SLC49A4: variants seen among roughly 807,000 people sequenced by gnomAD.
SLC49A4 encodes disrupted in renal cancer protein 2.
Under a neutral mutation model 50.6 loss-of-function variants are expected in SLC49A4, and 36 were observed. That is an observed-to-expected ratio of 0.71 (90% CI 0.55 to 0.94). SLC49A4 has a LOEUF of 0.94. Among genes scored for constraint, SLC49A4 ranks in the 40% least tolerant of loss-of-function variants. The pLI, the probability that SLC49A4 is intolerant of heterozygous loss-of-function variation, is 0.00. For missense variants in SLC49A4, 503 were observed against 605.7 expected (o/e 0.83, Z 1.78); for synonymous variants, 248 against 241.2 (o/e 1.03, Z -0.26).
At chr3:122,872,736 A>G (rs946675492) in intron 8 of SLC49A4, 139 bp downstream of exon 8, 2 of 587,740 alleles carry the variant, frequency 3.4e-6, no homozygotes, top group Admixed American at 7.2e-5. Flanking sequence ...AGTAAAAGAA[A>G]AATTCCTCAG....
At chr3:122,847,649 A>G (rs993272782) in intron 5 of SLC49A4, among the ~76,000 whole-genome samples, 2 of 152,090 alleles carry the variant, frequency 1.3e-5, no homozygotes, top group African/African-American at 4.8e-5. Flanking sequence ...CTGGCCCAGT[A>G]TACAATTTAA....
chr3:122,859,930 A>C, intron 6 of SLC49A4, 145 bp from the exon 7 acceptor site: 1 of 744,720 alleles, frequency 1.3e-6, no homozygotes. Context: ...ATCATACAAG[A>C]AAATTTGTTT....
At chr3:122,826,654 A>G (rs1465005241) in intron 2 of SLC49A4, 146 bp from the exon 3 acceptor site, 1 of 765,288 alleles carries the variant, frequency 1.3e-6, no homozygotes, top group Non-Finnish European at 2.1e-6. Context: ...TAGAAGGTAA[A>G]TCAACATGTC....
chr3:122,847,464 C>T (rs1445451679), intron 5 of SLC49A4, among the ~76,000 whole-genome samples: 3 of 151,574 alleles, frequency 2.0e-5, no homozygotes, highest in Non-Finnish European at 4.4e-5. Flanking sequence ...TCTTCTGCCT[C>T]AGCCTCCCGA....
chr3:122,807,327 G>C (rs1017851488), intron 2 of SLC49A4, among the ~76,000 whole-genome samples: 1 of 152,082 alleles, frequency 6.6e-6, no homozygotes, highest in African/African-American at 2.4e-5. Context: ...AGTTCATAAA[G>C]GTGGTGGTAA....
chr3:122,857,172 T>C (rs899530616), intron 6 of SLC49A4, among the ~76,000 whole-genome samples: 3 of 151,080 alleles, frequency 2.0e-5, no homozygotes, highest in African/African-American at 7.3e-5. Flanking sequence ...CCCTTTTTGA[T>C]GCAAAATGTC....
At chr3:122,852,693 C>T (rs1463982986) in intron 5 of SLC49A4, among the ~76,000 whole-genome samples, 1 of 152,130 alleles carries the variant, frequency 6.6e-6, no homozygotes, top group Non-Finnish European at 1.5e-5. Flanking sequence ...AGGTACAGCC[C>T]TTCAGAGTGC....
intron 5 of SLC49A4, among the ~76,000 whole-genome samples, chr3:122,854,819 C>T (rs563394509): frequency 6.6e-5 from 10 of 152,182 alleles, no homozygotes; most frequent in Admixed American, 1.3e-4. Context: ...AGGCTGGGCG[C>T]GGTGGCTCAC....
chr3:122,807,725 C>G (rs1447621594), intron 2 of SLC49A4, among the ~76,000 whole-genome samples: 2 of 151,884 alleles, frequency 1.3e-5, no homozygotes, highest in African/African-American at 4.8e-5. Flanking sequence ...TCAGAAGGAC[C>G]CATAAATTAC....
intron 1 of SLC49A4, among the ~76,000 whole-genome samples, chr3:122,804,152 AC>A (rs1352732457): frequency 6.6e-6 from 1 of 152,238 alleles, no homozygotes; most frequent in Non-Finnish European, 1.5e-5. Flanking sequence ...CAGGAAGCTT[AC>A]AATCATAACA....
At chr3:122,845,191 C>G (rs149528619) in intron 4 of SLC49A4, among the ~76,000 whole-genome samples, 55 of 152,184 alleles carry the variant, frequency 3.6e-4, no homozygotes, top group African/African-American at 1.3e-3. Context: ...TGTTTAGCTC[C>G]CACTGATAAG....
chr3:122,842,379 G>A (rs1371322347), intron 4 of SLC49A4, among the ~76,000 whole-genome samples: 3 of 151,584 alleles, frequency 2.0e-5, no homozygotes, highest in East Asian at 2.0e-4. Flanking sequence ...CCAGCTACTC[G>A]GGAGGCTGAG....
intron 7 of SLC49A4, among the ~76,000 whole-genome samples, chr3:122,861,152 A>T (rs1937054577): frequency 6.6e-6 from 1 of 152,076 alleles, no homozygotes; most frequent in Admixed American, 6.6e-5. Context: ...AATTTGGAAA[A>T]GTCTGTCAAT....
chr3:122,822,849 C>G (rs563488265), intron 2 of SLC49A4, among the ~76,000 whole-genome samples: 6 of 152,286 alleles, frequency 3.9e-5, no homozygotes, highest in Middle Eastern at 3.4e-3. Flanking sequence ...AGCTTCTGGC[C>G]TATATTAGCC....
intron 2 of SLC49A4, among the ~76,000 whole-genome samples, chr3:122,822,373 T>A (rs749229645): frequency 1.4e-4 from 21 of 152,226 alleles, no homozygotes; most frequent in Non-Finnish European, 2.6e-4. Flanking sequence ...TTCAGACTGT[T>A]CATTTAAGCT....
intron 1 of SLC49A4, among the ~76,000 whole-genome samples, chr3:122,801,675 C>A (rs1936135226): frequency 6.6e-6 from 1 of 152,118 alleles, no homozygotes; most frequent in South Asian, 2.1e-4. Context: ...GCATGGATGG[C>A]AGAGGTAGGG....
At chr3:122,838,810 T>C (rs572829772) in intron 4 of SLC49A4, among the ~76,000 whole-genome samples, 1 of 152,258 alleles carries the variant, frequency 6.6e-6, no homozygotes, top group African/African-American at 2.4e-5. Flanking sequence ...ATGACCATAC[T>C]GCCCAAAGCA....
At chr3:122,878,460 A>G (rs1197661310) in intron 8 of SLC49A4, among the ~76,000 whole-genome samples, 1 of 152,218 alleles carries the variant, frequency 6.6e-6, no homozygotes, top group Non-Finnish European at 1.5e-5. Flanking sequence ...GGAAGCAGCT[A>G]GAGGCAGCCA....
At chr3:122,854,708 A>G (rs1383462357) in intron 5 of SLC49A4, among the ~76,000 whole-genome samples, 1 of 152,190 alleles carries the variant, frequency 6.6e-6, no homozygotes, top group Non-Finnish European at 1.5e-5. Context: ...CCAGCTAGGA[A>G]CTGGGACATG....
Sources: gnomAD v4.1 joint callset for allele counts (sites outside exome capture counted in the v4.1 genomes callset) on GRCh38, gnomAD v4.1.1 for gene constraint, MANE v1.5 for transcripts, NCBI Gene and HGNC (gene_info 2026-07-23, HGNC 2026-07-21) for gene names.